Variants in PLCB4 observed in about 807,000 individuals in gnomAD.
The protein encoded by PLCB4 is phospholipase C beta 4.
A neutral mutation model predicts 178.8 loss-of-function variants in PLCB4; 77 were observed. The observed-to-expected ratio is 0.43, with a 90% CI of 0.36 to 0.52. The LOEUF is 0.52. Ranked by LOEUF, PLCB4 falls within the 20% of genes least tolerant of loss-of-function variation. The pLI, the probability that PLCB4 is intolerant of heterozygous loss-of-function variation, is 0.00. For missense variants in PLCB4, 1,024 were observed against 1,453.4 expected (o/e 0.70, Z 4.80); for synonymous variants, 496 against 490.8 (o/e 1.01, Z -0.14).
chr20:9,401,683 C>A, intron 20 of PLCB4, 93 bp downstream of exon 20: 1 of 778,224 alleles, frequency 1.3e-6, no homozygotes, highest in East Asian at 2.7e-5. Flanking sequence ...AATAAAGTAA[C>A]CTATAATTCC....
At chr20:9,457,975 G>A (rs981676249) in intron 34 of PLCB4, among the ~76,000 whole-genome samples, 6 of 151,906 alleles carry the variant, frequency 3.9e-5, no homozygotes, top group African/African-American at 1.2e-4. Context: ...AAAGACAGGA[G>A]AAAATAGGAG....
intron 3 of PLCB4, among the ~76,000 whole-genome samples, chr20:9,291,163 A>C (rs1014316989): frequency 1.3e-5 from 2 of 152,160 alleles, no homozygotes; most frequent in Admixed American, 1.3e-4. Context: ...AAAACTATAA[A>C]CTTTGTATTT....
At chr20:9,099,289 G>A (rs1390855864) in intron 2 of PLCB4, among the ~76,000 whole-genome samples, 2 of 152,026 alleles carry the variant, frequency 1.3e-5, no homozygotes, top group African/African-American at 4.8e-5. Flanking sequence ...TCAGAAGAAA[G>A]AAATACTCAG....
At chr20:9,390,829 G>T (rs571544938) in intron 17 of PLCB4, among the ~76,000 whole-genome samples, 115 of 152,262 alleles carry the variant, frequency 7.6e-4, no homozygotes, top group Middle Eastern at 3.4e-3. Flanking sequence ...TGGGTCTTAT[G>T]GTTTTCAGAT....
At chr20:9,069,693 G>C (rs1190460739) in intron 1 of PLCB4, among the ~76,000 whole-genome samples, 6 of 152,162 alleles carry the variant, frequency 3.9e-5, no homozygotes, top group African/African-American at 1.4e-4. Flanking sequence ...CTTATTTTCA[G>C]AATTTTAAAG....
chr20:9,206,299 C>CTTTTTTCTTTTTT (rs1568948051), intron 2 of PLCB4, among the ~76,000 whole-genome samples: 20 of 96,042 alleles, frequency 2.1e-4, no homozygotes, highest in African/African-American at 3.1e-4. Flanking sequence ...TTTCTTTTTT[C>CTTTTTTCTTTTTT]TTTTTTTTTT....
At chr20:9,448,155 A>G (rs2042531171) in intron 32 of PLCB4, among the ~76,000 whole-genome samples, 1 of 152,154 alleles carries the variant, frequency 6.6e-6, no homozygotes, top group Non-Finnish European at 1.5e-5. Flanking sequence ...AGCCCTTAGT[A>G]GAAACCCCAC....
chr20:9,205,224 C>T (rs1043452908), intron 2 of PLCB4, among the ~76,000 whole-genome samples: 12 of 152,314 alleles, frequency 7.9e-5, no homozygotes, highest in South Asian at 2.1e-4. Flanking sequence ...AGATATTCAA[C>T]GCTTAACTAT....
intron 2 of PLCB4, among the ~76,000 whole-genome samples, chr20:9,111,083 C>A (rs1276159320): frequency 6.6e-6 from 1 of 152,056 alleles, no homozygotes; most frequent in Non-Finnish European, 1.5e-5. Flanking sequence ...ATGTCATATA[C>A]GTTTGGGAAA....
chr20:9,373,021 A>T, intron 11 of PLCB4, 26 bp from the exon 12 acceptor site: 1 of 1,118,606 alleles, frequency 8.9e-7, no homozygotes, highest in Non-Finnish European at 1.4e-6. Context: ...ACAAAAACTT[A>T]CTTTTTCTAA....
intron 30 of PLCB4, among the ~76,000 whole-genome samples, chr20:9,442,236 T>C (rs1019261425): frequency 6.6e-6 from 1 of 152,228 alleles, no homozygotes; most frequent in East Asian, 1.9e-4. Flanking sequence ...ACTAGCCACA[T>C]TTCAGGTGCT....
In PLCB4 at chr20:9,337,202, G is replaced by A; in HGVS notation, c.161G>A (p.Gly54Asp). ...FGFFLTWRSE[G>D]KEGQVLECSL... ...TTCTTTCTGACATGGAGAAGTGAAG[G>A]CAAGGTATGGCCCAAGAAGAGCAAG... Residue 54 changes from glycine to aspartate, a missense_variant, in exon 5 of 40, where the codon GGC (glycine) becomes GAC (aspartate). By Grantham distance (94) the Gly-to-Asp change is moderately conservative (BLOSUM62 -1). This residue lies in a region of PLCB4 where 225 missense variants were observed against 291.0 expected (regional missense o/e 0.77). Transcript: ENST00000378473. 6.2e-7 allele frequency: 1 copy of A among 1,608,986 alleles called. No individual in the cohort carries two copies. Among genetic ancestry groups the A allele is most frequent in the East Asian group, 2.2e-5 (1 of 44,820 alleles).
rs553014271 is a variant in PLCB4 at position 9,194,856 on chromosome 20, T to C, written c.-78-22534T>C. On this transcript the variant is annotated intron_variant, in intron 2 of 39. Transcript: ENST00000378473. ...TTGCTAATTATGAGAAGACATTTGTTTGTTTGCTTGCTTAACAGTTACTTC... is the reference window on the plus strand; with the variant it reads ...TTGCTAATTATGAGAAGACATTTGTCTGTTTGCTTGCTTAACAGTTACTTC... 1.6e-4 allele frequency among the ~76,000 whole-genome samples: 25 copies of C among 152,302 alleles called. No individual in the cohort carries two copies. In the South Asian group the frequency reaches 4.6e-3, roughly 28 times the overall value.
intron 2 of PLCB4, among the ~76,000 whole-genome samples, chr20:9,167,494 T>A (rs988486248): frequency 6.6e-6 from 1 of 152,202 alleles, no homozygotes; most frequent in African/African-American, 2.4e-5. Flanking sequence ...TATTTTCAAG[T>A]CTCTTTTCCT....
At chr20:9,141,391 T>C (rs2092487191) in intron 2 of PLCB4, among the ~76,000 whole-genome samples, 1 of 152,154 alleles carries the variant, frequency 6.6e-6, no homozygotes, top group Admixed American at 6.6e-5. Context: ...TGGCATGCTA[T>C]TTATCTAAAA....
intron 2 of PLCB4, among the ~76,000 whole-genome samples, chr20:9,202,782 CAG>C (rs1444335348): frequency 6.6e-6 from 1 of 152,010 alleles, no homozygotes; most frequent in Admixed American, 6.6e-5. Flanking sequence ...GAATAGGAAA[CAG>C]AATCAGAGCA....
At chr20:9,247,805 T>C (rs1440958111) in intron 3 of PLCB4, among the ~76,000 whole-genome samples, 1 of 152,184 alleles carries the variant, frequency 6.6e-6, no homozygotes, top group East Asian at 1.9e-4. Flanking sequence ...TTTCCACTCT[T>C]GGGCATTGCA....
At chr20:9,140,485 G>A (rs2092465861) in intron 2 of PLCB4, among the ~76,000 whole-genome samples, 1 of 151,942 alleles carries the variant, frequency 6.6e-6, no homozygotes, top group Non-Finnish European at 1.5e-5. Flanking sequence ...AGTTGAGATG[G>A]TTTGGTCATT....
chr20:9,241,402 A>G (rs960161965), intron 3 of PLCB4, among the ~76,000 whole-genome samples: 2 of 151,940 alleles, frequency 1.3e-5, no homozygotes, highest in Non-Finnish European at 2.9e-5. Context: ...ACACACACAC[A>G]CACACACACA....
Sources: allele counts gnomAD v4.1 joint callset (sites outside exome capture counted in the v4.1 genomes callset), GRCh38; gene constraint gnomAD v4.1.1; regional missense constraint gnomAD v4.1.1; transcripts MANE v1.5; gene names NCBI Gene and HGNC (gene_info 2026-07-23, HGNC 2026-07-21).